STAU1: variants seen among roughly 807,000 people sequenced by gnomAD.
The protein encoded by STAU1 is double-stranded RNA-binding protein Staufen homolog 1.
Under a neutral mutation model 62.9 loss-of-function variants are expected in STAU1, and 13 were observed. The ratio of observed to expected loss-of-function variants is 0.21; its 90% CI spans 0.13 to 0.33. STAU1 has a LOEUF of 0.33. Ranked by LOEUF, STAU1 falls within the 10% of genes least tolerant of loss-of-function variation. The pLI is 1.00. For synonymous variants in STAU1, 269 were observed against 265.1 expected (o/e 1.01, Z -0.14); for missense variants, 571 against 712.1 (o/e 0.80, Z 2.25).
the STAU1 span, among the ~76,000 whole-genome samples, chr20:49,197,689 A>C: frequency 6.6e-6 from 1 of 151,918 alleles, no homozygotes; most frequent in African/African-American, 2.4e-5. Flanking sequence ...GTCATGAGCC[A>C]CGGTGCTGGG....
At chr20:49,204,649 T>TTTC in the STAU1 span, among the ~76,000 whole-genome samples, 1 of 26,020 alleles carries the variant, frequency 3.8e-5, no homozygotes, top group African/African-American at 1.7e-4. Flanking sequence ...TATATATATT[T>TTTC]TTTTTTTTTT....
intron 9 of STAU1, 46 bp from the exon 10 acceptor site, chr20:49,118,454 A>G (rs1209547041): frequency 1.4e-6 from 2 of 1,447,222 alleles, no homozygotes; most frequent in Non-Finnish European, 1.9e-6. Context: ...CATAAATCAG[A>G]TCACTGAAAA....
intron 6 of STAU1, among the ~76,000 whole-genome samples, chr20:49,127,020 CAA>C (rs2092642531): frequency 6.6e-6 from 1 of 152,092 alleles, no homozygotes; most frequent in South Asian, 2.1e-4. Flanking sequence ...GAGTTGAACA[CAA>C]AAGATATCCA....
intron 8 of STAU1, among the ~76,000 whole-genome samples, 174 bp downstream of exon 8, chr20:49,122,918 A>AAAATAAAT (rs3091755): frequency 0.024 from 3,541 of 148,502 alleles, 62 homozygotes; most frequent in Non-Finnish European, 0.039. Context: ...CTCCATCTCA[A>AAAATAAAT]AAATAAATAA....
At chr20:49,124,134 G>A (rs1175302696) in intron 7 of STAU1, among the ~76,000 whole-genome samples, 3 of 152,224 alleles carry the variant, frequency 2.0e-5, no homozygotes. Context: ...CGCCAGGGCT[G>A]TGATGAGCGC....
chr20:49,178,904 T>C (rs1600875608), intron 1 of STAU1, among the ~76,000 whole-genome samples: 1 of 101,948 alleles, frequency 9.8e-6, no homozygotes, highest in Non-Finnish European at 2.0e-5. Context: ...AAACACCGTC[T>C]CCACTAAAAA....
chr20:49,167,583 A>G (rs1225464402), intron 2 of STAU1, among the ~76,000 whole-genome samples: 1 of 152,126 alleles, frequency 6.6e-6, no homozygotes, highest in Non-Finnish European at 1.5e-5. Flanking sequence ...AATCAGAACA[A>G]AATAACAGAG....
At chr20:49,157,569 T>TC (rs903499480) in intron 3 of STAU1, among the ~76,000 whole-genome samples, 7 of 151,946 alleles carry the variant, frequency 4.6e-5, no homozygotes, top group African/African-American at 1.7e-4. Context: ...AACCTCCGCC[T>TC]CCCAGGTTCA....
In STAU1 at chr20:49,129,998, G is replaced by A. The variant is rs75886438; in HGVS notation, c.610-5411C>T. Among the ~76,000 whole-genome samples the A allele has an allele frequency of 8.7e-3, 1,328 of 152,178 alleles. 20 individuals are homozygous for A. The highest frequency in any genetic ancestry group is 0.028 in the African/African-American group (1,153 of 41,522). On this transcript the variant is annotated intron_variant, in intron 6 of 13. Transcript: ENST00000371856. ...ACTCAAGTATTTATTCAAGAAAAAT[G>A]AAAACATGTCTCCACAGATGTATAT... is the stretch of plus-strand genomic sequence containing the variant.
chr20:49,133,454 T>C (rs2146001455), intron 6 of STAU1, among the ~76,000 whole-genome samples: 1 of 152,282 alleles, frequency 6.6e-6, no homozygotes, highest in Non-Finnish European at 1.5e-5. Flanking sequence ...CAGACTAATC[T>C]GTCAGCAGGG....
In STAU1 at chr20:49,166,265, C is replaced by T. The variant is rs780280787; in HGVS notation, c.-64G>A. 3.0e-5 allele frequency: 43 copies of T among 1,434,960 alleles called. No homozygotes were observed. Among genetic ancestry groups the T allele is most frequent in the Non-Finnish European group, 4.2e-5 (43 of 1,030,508 alleles). 88.9% of individuals were successfully genotyped at this position (1,434,960 alleles called of 1,614,324 possible). ...GCTTTCAGTGCAGGTTAATTCAGTG[C>T]TATGAAGTCTAAAGTTCTACCTAAA... On this transcript the variant is annotated 5_prime_UTR_variant, in exon 3 of 14. Coordinates refer to ENST00000371856, the MANE Select transcript of STAU1 (RefSeq NM_017453.4).
chr20:49,211,252 G>C, the STAU1 span, among the ~76,000 whole-genome samples: 1 of 151,958 alleles, frequency 6.6e-6, no homozygotes, highest in East Asian at 1.9e-4. Flanking sequence ...TCTGCCTTTT[G>C]TCTACTGTGA....
At chr20:49,203,300 C>T in the STAU1 span, among the ~76,000 whole-genome samples, 1 of 152,110 alleles carries the variant, frequency 6.6e-6, no homozygotes, top group Non-Finnish European at 1.5e-5. Flanking sequence ...TGGTGCATGC[C>T]TTTAGTCCGA....
At chr20:49,192,750 G>A (rs1345622220), upstream of STAU1, among the ~76,000 whole-genome samples, 1 of 152,094 alleles carries the variant, frequency 6.6e-6, no homozygotes, top group Non-Finnish European at 1.5e-5. Context: ...GCAGTGAGCT[G>A]TGATTGCACC....
intron 1 of STAU1, among the ~76,000 whole-genome samples, chr20:49,177,177 T>C (rs2093670484): frequency 2.0e-5 from 3 of 150,814 alleles, no homozygotes; most frequent in Admixed American, 2.0e-4. Context: ...CCCAAAGTGC[T>C]GCGATTACAG....
intron 13 of STAU1, among the ~76,000 whole-genome samples, chr20:49,115,301 G>T (rs1245920720): frequency 2.0e-5 from 3 of 152,014 alleles, no homozygotes; most frequent in East Asian, 3.9e-4. Context: ...ACTCAAAAAG[G>T]TTTTTTTGTT....
Position 49,174,246 on chromosome 20 carries a change from G to A in STAU1, c.-136C>T, listed in dbSNP as rs1487317486. On this transcript the variant is annotated 5_prime_UTR_variant, in exon 2 of 14. Transcript: ENST00000371856. Reference sequence around the variant, plus strand: ...AACAATGTTGTCTTTGTTCAGTTCTGAGAGGTTAAGTGGTTAATAAACTCT... The same window carrying A: ...AACAATGTTGTCTTTGTTCAGTTCTAAGAGGTTAAGTGGTTAATAAACTCT... The A allele has an allele frequency of 6.6e-6, 1 of 152,194 alleles. No individual in the cohort carries two copies. The highest frequency in any genetic ancestry group is 6.5e-5 in the Admixed American group (1 of 15,280). 9.4% of individuals were successfully genotyped at this position (152,194 alleles called of 1,614,324 possible). A position where few individuals can be genotyped will look rare whatever the true frequency, so the allele number is the denominator to read the frequency against.
chr20:49,125,211 A>AAAAAAAAAC (rs2092574770), intron 6 of STAU1, among the ~76,000 whole-genome samples: 1 of 145,876 alleles, frequency 6.9e-6, no homozygotes, highest in South Asian at 2.1e-4. Context: ...AAAAAAAAAA[A>AAAAAAAAAC]AAAAAAAAAA....
intron 8 of STAU1, among the ~76,000 whole-genome samples, chr20:49,121,980 T>A (rs1282116201): frequency 1.3e-5 from 2 of 152,220 alleles, no homozygotes; most frequent in Admixed American, 1.3e-4. Context: ...ACCAGCCATT[T>A]CATCTTGGGC....
Sources: gnomAD v4.1 joint callset for allele counts (sites outside exome capture counted in the v4.1 genomes callset) on GRCh38, gnomAD v4.1.1 for gene constraint, MANE v1.5 for transcripts, NCBI Gene and HGNC (gene_info 2026-07-23, HGNC 2026-07-21) for gene names.